Variants in RORA observed in about 807,000 individuals in gnomAD.
RORA encodes the protein nuclear receptor ROR-alpha.
RORA carries 7 observed loss-of-function variants against 69.5 expected under a neutral mutation model. The observed-to-expected ratio is 0.10, with a 90% CI of 0.06 to 0.19. The LOEUF (loss-of-function observed/expected upper bound fraction) is 0.19. Among genes scored for constraint, RORA ranks in the 10% least tolerant of loss-of-function variants. RORA has a pLI of 1.00. For synonymous variants in RORA, 261 were observed against 240.8 expected (o/e 1.08, Z -0.78); for missense variants, 457 against 663.0 (o/e 0.69, Z 3.41).
Position 60,948,245 on chromosome 15 carries a change from GA to G in RORA, c.167-269560del, listed in dbSNP as rs796591402. Reference sequence around the variant, plus strand: ...TTTTTATTCCCAGGCAAATATGACTGAAAAAAAAAAAATCACAGGTGTTAAA... The same window carrying G: ...TTTTTATTCCCAGGCAAATATGACTGAAAAAAAAAAATCACAGGTGTTAAA... On this transcript the variant is annotated intron_variant, in intron 1 of 10. Coordinates refer to ENST00000335670, the MANE Select transcript of RORA (RefSeq NM_134261.3). Among the ~76,000 whole-genome samples the G allele has an allele frequency of 1.0e-2, 1,369 of 137,192 alleles. 21 individuals are homozygous for G. The highest frequency in any genetic ancestry group is 0.034 in the African/African-American group (1,267 of 37,690). The allele number at this position is 137,192 out of a possible 152,430, so 90.0% of individuals were successfully genotyped here. A position where few individuals can be genotyped will look rare whatever the true frequency, so the allele number is the denominator to read the frequency against.
intron 2 of RORA, among the ~76,000 whole-genome samples, chr15:60,660,858 G>C (rs2070292802): frequency 6.6e-6 from 1 of 152,286 alleles, no homozygotes; most frequent in African/African-American, 2.4e-5. Flanking sequence ...AAGTAGGCAA[G>C]TCCTTATCCC....
chr15:60,637,488 TGTAAA>T (rs1442837784), intron 2 of RORA, among the ~76,000 whole-genome samples: 2 of 152,180 alleles, frequency 1.3e-5, no homozygotes, highest in East Asian at 1.9e-4. Flanking sequence ...CTTCTATTAC[TGTAAA>T]GTAGAGAAAA....
chr15:60,826,758 T>C (rs1222371115), intron 1 of RORA, among the ~76,000 whole-genome samples: 3 of 93,886 alleles, frequency 3.2e-5, no homozygotes, highest in African/African-American at 8.5e-5. Flanking sequence ...TCTCTCTCTC[T>C]CTCTCTCCCT....
intron 2 of RORA, among the ~76,000 whole-genome samples, chr15:60,652,465 G>C (rs1191721432): frequency 3.9e-5 from 6 of 152,138 alleles, no homozygotes; most frequent in Admixed American, 3.9e-4. Flanking sequence ...TTGCGCATAA[G>C]CCGGATGCAG....
chr15:60,833,721 C>T (rs1368527263), intron 1 of RORA, among the ~76,000 whole-genome samples: 1 of 152,158 alleles, frequency 6.6e-6, no homozygotes. Flanking sequence ...TATCTTTGTA[C>T]TGTCTTTTTC....
intron 2 of RORA, among the ~76,000 whole-genome samples, chr15:60,547,340 T>TTA (rs1555429660): frequency 2.4e-4 from 35 of 148,590 alleles, no homozygotes; most frequent in African/African-American, 5.3e-4. Flanking sequence ...TTTTTTTTTT[T>TTA]AAAGATAGGG....
At chr15:60,837,565 G>T (rs1244535881) in intron 1 of RORA, among the ~76,000 whole-genome samples, 1 of 152,188 alleles carries the variant, frequency 6.6e-6, no homozygotes, top group Non-Finnish European at 1.5e-5. Flanking sequence ...GCCACCTCCT[G>T]CCCTGCCTTC....
At chr15:60,611,589 A>AAAAAAAAAT (rs2069091475) in intron 2 of RORA, among the ~76,000 whole-genome samples, 1 of 146,494 alleles carries the variant, frequency 6.8e-6, no homozygotes, top group African/African-American at 2.5e-5. Flanking sequence ...AAAAAAAAAA[A>AAAAAAAAAT]GGTGGAGTCT....
intron 1 of RORA, among the ~76,000 whole-genome samples, chr15:60,712,962 C>T (rs537035709): frequency 3.3e-5 from 5 of 151,934 alleles, no homozygotes; most frequent in African/African-American, 4.8e-5. Context: ...TTCAACAGAG[C>T]GAATACTTTG....
At chr15:61,091,923 A>G (rs1052391414) in intron 1 of RORA, among the ~76,000 whole-genome samples, 6 of 152,230 alleles carry the variant, frequency 3.9e-5, no homozygotes, top group African/African-American at 7.2e-5. Flanking sequence ...TATGTTAAAA[A>G]TGGTCTTTAA....
rs1484130890 is a variant in RORA at position 61,213,744 on chromosome 15, A to G, written c.166+15309T>C. ...CTACTATAGCATGCTACATCTTTTTAAAGTAATGTCTTTCTTGCCCATCAA... is the reference window on the plus strand; with the variant it reads ...CTACTATAGCATGCTACATCTTTTTGAAGTAATGTCTTTCTTGCCCATCAA... On this transcript the variant is annotated intron_variant, in intron 1 of 10. Coordinates refer to ENST00000335670, the MANE Select transcript of RORA (RefSeq NM_134261.3). This position sits in a 1 kb window ranked among gnomAD's most constrained non-coding sequence, Gnocchi z 4.1. 1 of 152,140 alleles carries G rather than the reference A, an allele frequency of 6.6e-6. No individual in the cohort carries two copies. Among genetic ancestry groups the G allele is most frequent in the Non-Finnish European group, 1.5e-5 (1 of 68,032 alleles). The allele number at this position is 152,140 out of a possible 1,614,324, so 9.4% of individuals were successfully genotyped here. A position where few individuals can be genotyped will look rare whatever the true frequency, so the allele number is the denominator to read the frequency against.
At chr15:60,786,477 G>C (rs1328688759) in intron 1 of RORA, among the ~76,000 whole-genome samples, 1 of 152,220 alleles carries the variant, frequency 6.6e-6, no homozygotes, top group Admixed American at 6.5e-5. Flanking sequence ...TGCACAGCAG[G>C]AGTGGGCTGG....
intron 2 of RORA, among the ~76,000 whole-genome samples, chr15:60,611,628 TA>T (rs1268131844): frequency 7.7e-6 from 1 of 129,200 alleles, no homozygotes; most frequent in African/African-American, 2.9e-5. Context: ...AGAGAACTCT[TA>T]GCACCTAGTA....
chr15:60,721,540 A>G (rs1211139625), intron 1 of RORA, among the ~76,000 whole-genome samples: 1 of 152,274 alleles, frequency 6.6e-6, no homozygotes, highest in Admixed American at 6.5e-5. Context: ...TGTGGAATTC[A>G]CAGTATGAAG....
chr15:60,541,155 C>T (rs558553382), intron 2 of RORA, among the ~76,000 whole-genome samples: 1 of 152,268 alleles, frequency 6.6e-6, no homozygotes, highest in East Asian at 1.9e-4. Context: ...ATATTAACCA[C>T]TTTAAGATTG....
intron 1 of RORA, among the ~76,000 whole-genome samples, chr15:60,798,973 T>C (rs1383698840): frequency 1.3e-5 from 2 of 151,248 alleles, no homozygotes; most frequent in Non-Finnish European, 2.9e-5. Flanking sequence ...CAGTGTATTA[T>C]GGCGTGGGCT....
intron 1 of RORA, among the ~76,000 whole-genome samples, chr15:61,093,965 C>A (rs1036474123): frequency 6.6e-6 from 1 of 152,158 alleles, no homozygotes; most frequent in Non-Finnish European, 1.5e-5. Context: ...TCTCTGCTTC[C>A]GTCGCCAAGT....
At chr15:60,517,315 C>T (rs1460289909) in intron 3 of RORA, among the ~76,000 whole-genome samples, 1 of 152,148 alleles carries the variant, frequency 6.6e-6, no homozygotes, top group East Asian at 1.9e-4. Context: ...TTGCTTTCAG[C>T]CAAGGTGCTT....
At chr15:60,852,027 C>CA (rs2073330854) in intron 1 of RORA, among the ~76,000 whole-genome samples, 1 of 152,154 alleles carries the variant, frequency 6.6e-6, no homozygotes, top group Admixed American at 6.5e-5. Context: ...GGGGAACAAG[C>CA]AACACTATTG....
Sources: allele counts gnomAD v4.1 joint callset (sites outside exome capture counted in the v4.1 genomes callset), GRCh38; gene constraint gnomAD v4.1.1; non-coding constraint Gnocchi (gnomAD v3.1); transcripts MANE v1.5; gene names NCBI Gene and HGNC (gene_info 2026-07-23, HGNC 2026-07-21).